USP12: variants seen among roughly 807,000 people sequenced by gnomAD.
The protein encoded by USP12 is ubiquitin specific peptidase 12.
Under a neutral mutation model 45.5 loss-of-function variants are expected in USP12, and 19 were observed. The ratio of observed to expected loss-of-function variants is 0.42; its 90% CI spans 0.29 to 0.61. The LOEUF (loss-of-function observed/expected upper bound fraction) is 0.61. USP12 is among the 20% of genes least tolerant of loss of function. The pLI, the probability that USP12 is intolerant of heterozygous loss-of-function variation, is 0.22. For missense variants in USP12, 242 were observed against 447.7 expected (o/e 0.54, Z 4.15); for synonymous variants, 149 against 148.8 (o/e 1.00, Z -0.01).
At chr13:27,148,043 C>A (rs1013039457) in intron 1 of USP12, among the ~76,000 whole-genome samples, 1 of 151,586 alleles carries the variant, frequency 6.6e-6, no homozygotes, top group Non-Finnish European at 1.5e-5. Context: ...GTGGGAGAAC[C>A]ACTTGGGCCC....
chr13:27,170,040 A>G lies in USP12; in HGVS notation c.48+1552T>C, dbSNP rs1043967963. 2.5e-5 allele frequency: 8 copies of G among 325,572 alleles called. No individual in the cohort carries two copies. In the Admixed American group the frequency reaches 2.9e-4, roughly 12 times the overall value. 20.2% of individuals were successfully genotyped at this position (325,572 alleles called of 1,614,324 possible). Reference sequence around the variant, plus strand: ...AGACCTAATTATCGCATTCCTTTTGAAATTGACTAAGATAATAATTGGCGT... The same window carrying G: ...AGACCTAATTATCGCATTCCTTTTGGAATTGACTAAGATAATAATTGGCGT... On this transcript the variant is annotated intron_variant, in intron 1 of 8. Coordinates refer to ENST00000282344, the MANE Select transcript of USP12 (RefSeq NM_182488.4).
chr13:27,081,070 G>A (rs1351993793), intron 6 of USP12, among the ~76,000 whole-genome samples: 1 of 144,932 alleles, frequency 6.9e-6, no homozygotes, highest in African/African-American at 2.6e-5. Flanking sequence ...CTGGAGTGCA[G>A]TGGCGCGATC....
intron 7 of USP12, 80 bp downstream of exon 7, chr13:27,075,111 A>G (rs1462872761): frequency 7.3e-7 from 1 of 1,373,174 alleles, no homozygotes; most frequent in African/African-American, 1.5e-5. Flanking sequence ...TCTATATATG[A>G]ATAATTCATG....
chr13:27,072,151 A>G (rs1322780568), intron 7 of USP12, among the ~76,000 whole-genome samples: 1 of 152,170 alleles, frequency 6.6e-6, no homozygotes, highest in African/African-American at 2.4e-5. Context: ...CTTTTTCTTA[A>G]AAAAGCATTT....
At position 27,067,074 on chromosome 13, in the gene USP12, A is replaced by G. The variant is rs189387598; in HGVS notation, c.*2209T>C. On this transcript the variant is annotated 3_prime_UTR_variant, in exon 9 of 9. Transcript: ENST00000282344. ...CAAGTATGTGATTACCAGGAACTCAACACATACACTAGAACTTGCTTTAAT... is the reference window on the plus strand; with the variant it reads ...CAAGTATGTGATTACCAGGAACTCAGCACATACACTAGAACTTGCTTTAAT... 6.6e-6 allele frequency: 1 copy of G among 152,188 alleles called. No individual in the cohort carries two copies. Among genetic ancestry groups the G allele is most frequent in the Non-Finnish European group, 1.5e-5 (1 of 68,038 alleles). 9.4% of individuals were successfully genotyped at this position (152,188 alleles called of 1,614,324 possible).
At chr13:27,150,955 A>T (rs1379255101) in intron 1 of USP12, among the ~76,000 whole-genome samples, 1 of 152,222 alleles carries the variant, frequency 6.6e-6, no homozygotes, top group Non-Finnish European at 1.5e-5. Flanking sequence ...GAAAACTCTT[A>T]AACACTGGAT....
At chr13:27,143,353 A>T (rs1428828334) in intron 1 of USP12, among the ~76,000 whole-genome samples, 3 of 152,198 alleles carry the variant, frequency 2.0e-5, no homozygotes, top group Non-Finnish European at 4.4e-5. Flanking sequence ...ACTGGCAACT[A>T]AAGACTTCAT....
At chr13:27,165,938 T>TAA (rs1878329746) in intron 1 of USP12, among the ~76,000 whole-genome samples, 1 of 151,696 alleles carries the variant, frequency 6.6e-6, no homozygotes, top group South Asian at 2.1e-4. Flanking sequence ...ATAATAATAA[T>TAA]TTTTTAAAAA....
chr13:27,097,471 C>T (rs1356811215), intron 3 of USP12, among the ~76,000 whole-genome samples: 1 of 152,086 alleles, frequency 6.6e-6, no homozygotes, highest in Non-Finnish European at 1.5e-5. Flanking sequence ...ATCTCAAAAA[C>T]AACAACAACA....
intron 1 of USP12, chr13:27,117,758 A>G: frequency 1.9e-6 from 1 of 518,348 alleles, no homozygotes; most frequent in Non-Finnish European, 3.8e-6. Flanking sequence ...TTCAAGAAAC[A>G]AGGACCTCGC....
chr13:27,163,557 C>T lies in USP12; in HGVS notation c.48+8035G>A, dbSNP rs375107900. Among the ~76,000 whole-genome samples, 68 of 152,118 alleles carry T rather than the reference C, an allele frequency of 4.5e-4. 1 individual carries two copies. The South Asian group carries it at 0.013, about 28-fold the overall frequency. On this transcript the variant is annotated intron_variant, in intron 1 of 8. Transcript: ENST00000282344. ...TCTCATTGCATGCATTTGTTTTATA[C>T]GTCCATCCTCTTCTACAATACTGTA...
intron 6 of USP12, among the ~76,000 whole-genome samples, chr13:27,081,009 A>ATTTTTTTTT: frequency 8.7e-6 from 1 of 114,622 alleles, no homozygotes. Flanking sequence ...GGCTGAGGCA[A>ATTTTTTTTT]TTTTTTTTTT....
chr13:27,114,940 G>A (rs2137796100), intron 2 of USP12, among the ~76,000 whole-genome samples: 2 of 152,220 alleles, frequency 1.3e-5, no homozygotes, highest in Middle Eastern at 6.8e-3. Flanking sequence ...AGCTGTGATG[G>A]CACCACCACA....
At chr13:27,108,382 G>T (rs183090628) in intron 2 of USP12, among the ~76,000 whole-genome samples, 43 of 151,484 alleles carry the variant, frequency 2.8e-4, no homozygotes, top group African/African-American at 9.9e-4. Context: ...GAGGACTGTT[G>T]TGGGGTGGGG....
At position 27,171,680 on chromosome 13, in the gene USP12, C is replaced by G. The variant is rs1878634430; in HGVS notation, c.-41G>C. 1 of 1,153,862 alleles carries G rather than the reference C, an allele frequency of 8.7e-7. No individual in the cohort carries two copies. Among genetic ancestry groups the G allele is most frequent in the Non-Finnish European group, 1.1e-6 (1 of 896,568 alleles). The allele number at this position is 1,153,862 out of a possible 1,614,324, so 71.5% of individuals were successfully genotyped here. A position where few individuals can be genotyped will look rare whatever the true frequency, so the allele number is the denominator to read the frequency against. On this transcript the variant is annotated 5_prime_UTR_variant, in exon 1 of 9. Coordinates refer to ENST00000282344, the MANE Select transcript of USP12 (RefSeq NM_182488.4). ...TTCCACCCAATCACAGCGGCGGCGG[C>G]GGGCGGGGGAGGAGGGGAGCCGGGC...
intron 1 of USP12, among the ~76,000 whole-genome samples, chr13:27,148,795 T>TACACACACACACACACACACACACAC (rs58820564): frequency 0.022 from 3,068 of 141,694 alleles, 79 homozygotes; most frequent in African/African-American, 0.048. Flanking sequence ...ATCATCTTAA[T>TACACACACACACACACACACACACAC]ACACACACAC....
intron 1 of USP12, among the ~76,000 whole-genome samples, chr13:27,131,849 A>C (rs1490368002): frequency 6.6e-6 from 1 of 152,204 alleles, no homozygotes; most frequent in Admixed American, 6.5e-5. Flanking sequence ...AATAATGATT[A>C]TCATAACTTT....
intron 2 of USP12, among the ~76,000 whole-genome samples, chr13:27,113,676 A>T (rs1045498527): frequency 6.6e-6 from 1 of 152,164 alleles, no homozygotes; most frequent in African/African-American, 2.4e-5. Flanking sequence ...TATCAATCAA[A>T]GCCCTTTTAC....
intron 1 of USP12, among the ~76,000 whole-genome samples, chr13:27,148,376 CTATATATA>C (rs72246154): frequency 6.6e-6 from 1 of 150,632 alleles, no homozygotes; most frequent in Non-Finnish European, 1.5e-5. Context: ...CTGTATAAAA[CTATATATA>C]TATATTATAG....
Sources: gnomAD v4.1 joint callset for allele counts (sites outside exome capture counted in the v4.1 genomes callset) on GRCh38, gnomAD v4.1.1 for gene constraint, MANE v1.5 for transcripts, NCBI Gene and HGNC (gene_info 2026-07-23, HGNC 2026-07-21) for gene names.